Variants in APBA1 observed in about 807,000 individuals in gnomAD.
APBA1 encodes amyloid beta precursor protein binding family A member 1, also known as amyloid-beta A4 precursor protein-binding family A member 1.
APBA1 carries 55 observed loss-of-function variants against 86.6 expected under a neutral mutation model. The ratio of observed to expected loss-of-function variants is 0.64; its 90% confidence interval spans 0.51 to 0.80. The LOEUF (loss-of-function observed/expected upper bound fraction) is 0.80. APBA1 is among the 30% of genes least tolerant of loss of function. The probability of loss-of-function intolerance (pLI) is 0.00; values close to 1 mark genes in which losing one functional copy is unlikely to be tolerated. For synonymous variants in APBA1, 511 were observed against 493.9 expected, an observed-to-expected ratio of 1.03 and a Z score of -0.46; for missense variants, 1,090 against 1,183.0, an observed-to-expected ratio of 0.92 and a Z score of 1.15.
At chr9:69,617,962 A>G (rs1298668719) in intron 1 of APBA1, among the ~76,000 whole-genome samples, 1 of 151,968 alleles carries the variant, frequency 6.6e-6, no homozygotes, top group Non-Finnish European at 1.5e-5. Context: ...TTAAACACAC[A>G]CACACAGCCC....
intron 1 of APBA1, among the ~76,000 whole-genome samples, chr9:69,608,252 A>G (rs1822514780): frequency 6.6e-6 from 1 of 152,266 alleles, no homozygotes; most frequent in Non-Finnish European, 1.5e-5. Context: ...AAACTCAGTC[A>G]TAACATATAG....
intron 5 of APBA1, among the ~76,000 whole-genome samples, chr9:69,458,732 C>A (rs534228918): frequency 7.3e-5 from 11 of 150,904 alleles, no homozygotes; most frequent in Admixed American, 7.2e-4. Context: ...ACTGCAATTT[C>A]TTAGAACCTT....
chr9:69,563,745 A>T (rs758602164), intron 1 of APBA1, among the ~76,000 whole-genome samples: 2 of 152,038 alleles, frequency 1.3e-5, no homozygotes, highest in Non-Finnish European at 2.9e-5. Context: ...TTTGCACTTT[A>T]TGGTTCCTGA....
intron 9 of APBA1, among the ~76,000 whole-genome samples, chr9:69,451,004 C>T (rs1296524875): frequency 6.6e-6 from 1 of 152,180 alleles, no homozygotes; most frequent in Non-Finnish European, 1.5e-5. Context: ...GCCACAAGGT[C>T]TGTGAGACAA....
intron 1 of APBA1, among the ~76,000 whole-genome samples, chr9:69,575,997 A>C (rs1434040259): frequency 1.3e-5 from 2 of 152,254 alleles, no homozygotes; most frequent in Admixed American, 6.5e-5. Context: ...CAATGAACTC[A>C]AACAAATTTA....
chr9:69,641,716 C>T (rs1367554198), intron 1 of APBA1, among the ~76,000 whole-genome samples: 1 of 152,168 alleles, frequency 6.6e-6, no homozygotes, highest in East Asian at 1.9e-4. Flanking sequence ...TTCTCTCTCA[C>T]TATTCACAAA....
At chr9:69,546,077 G>C (rs1218846031) in intron 1 of APBA1, among the ~76,000 whole-genome samples, 1 of 152,148 alleles carries the variant, frequency 6.6e-6, no homozygotes, top group East Asian at 1.9e-4. Flanking sequence ...TAGGAATTCA[G>C]ACTGAGAATT....
chr9:69,657,906 A>C (rs1435017212), intron 1 of APBA1, among the ~76,000 whole-genome samples: 1 of 152,182 alleles, frequency 6.6e-6, no homozygotes. Flanking sequence ...CAGAGAATGG[A>C]AGAGAGAATA....
rs556025914 is a variant in APBA1, at chr9:69,436,335, T to TG, written c.2302-3660dup. 6.0e-3 allele frequency among the ~76,000 whole-genome samples: 908 copies of TG among 151,194 alleles called. 8 individuals are homozygous for TG. Among genetic ancestry groups the TG allele is most frequent in the African/African-American group, 0.021 (860 of 41,104 alleles). ...GTGAAGAAAGTCATTGGTAGCTTGA[T>TG]GGGGATGGCATTGAATCTATAAATT... On this transcript the variant is annotated intron_variant, in intron 11 of 12. Transcript: ENST00000265381.
At chr9:69,442,061 C>T (rs1213997498) in intron 10 of APBA1, among the ~76,000 whole-genome samples, 3 of 152,228 alleles carry the variant, frequency 2.0e-5, no homozygotes, top group Non-Finnish European at 2.9e-5. Context: ...TTTGCTCCTG[C>T]AGGCCTGACC....
At chr9:69,671,053 C>T (rs549102512) in intron 1 of APBA1, among the ~76,000 whole-genome samples, 4 of 152,094 alleles carry the variant, frequency 2.6e-5, no homozygotes, top group East Asian at 1.9e-4. Flanking sequence ...TCTCTCTATA[C>T]GTATACACCT....
At chr9:69,611,410 C>A (rs1822587229) in intron 1 of APBA1, among the ~76,000 whole-genome samples, 1 of 151,686 alleles carries the variant, frequency 6.6e-6, no homozygotes, top group South Asian at 2.1e-4. Context: ...AATATTCAAA[C>A]CCACTGGGAG....
In APBA1 at chr9:69,516,238, C is replaced by A. The variant is rs1836142542; in HGVS notation, c.973G>T (p.Ala325Ser). The change falls in exon 2 of 13, where the codon GCG (alanine) becomes TCG (serine). Residue 325 changes from alanine to serine, a missense_variant. By Grantham distance (99) the Ala-to-Ser change is moderately conservative. Transcript: ENST00000265381. This position sits in a 1 kb window ranked among gnomAD's most constrained non-coding sequence, Gnocchi z 7.3. ...TCGCCGCCGCCCGCGGGGCCCACCG[C>A]CCGCTGCTGCCCCGCCGGCGCCTGC... ...GLQAPAGQQR[A>S]VGPAGGGEAG... The A allele has an allele frequency of 2.2e-6, 3 of 1,391,688 alleles. No homozygotes were observed. Among genetic ancestry groups the A allele is most frequent in the South Asian group, 3.3e-5 (2 of 60,534 alleles). The allele number at this position is 1,391,688 out of a possible 1,614,324, so 86.2% of individuals were successfully genotyped here. A position where few individuals can be genotyped will look rare whatever the true frequency, so the allele number is the denominator to read the frequency against.
At chr9:69,635,104 T>C (rs537082979) in intron 1 of APBA1, among the ~76,000 whole-genome samples, 1 of 152,250 alleles carries the variant, frequency 6.6e-6, no homozygotes, top group East Asian at 1.9e-4. Flanking sequence ...TTGTGGTGTA[T>C]AAGTATATCT....
At chr9:69,587,514 T>G (rs1479893168) in intron 1 of APBA1, among the ~76,000 whole-genome samples, 1 of 152,180 alleles carries the variant, frequency 6.6e-6, no homozygotes, top group African/African-American at 2.4e-5. Flanking sequence ...CCACACTGTT[T>G]CATCTTCCTG....
chr9:69,559,405 C>T (rs1836914751), intron 1 of APBA1, among the ~76,000 whole-genome samples: 1 of 152,190 alleles, frequency 6.6e-6, no homozygotes, highest in Non-Finnish European at 1.5e-5. Context: ...TGTCATTACT[C>T]ACTCCACTAT....
At chr9:69,552,726 A>T (rs958491258) in intron 1 of APBA1, among the ~76,000 whole-genome samples, 1 of 152,234 alleles carries the variant, frequency 6.6e-6, no homozygotes, top group African/African-American at 2.4e-5. Flanking sequence ...TCATTCATGT[A>T]CAGGAAGCTA....
intron 11 of APBA1, among the ~76,000 whole-genome samples, chr9:69,439,780 A>G (rs4347046): frequency 0.077 from 11,669 of 152,010 alleles, 553 homozygotes; most frequent in Non-Finnish European, 0.11. Context: ...TCTTCTCTCA[A>G]CTCGTCAAAG....
intron 10 of APBA1, among the ~76,000 whole-genome samples, chr9:69,442,580 G>A (rs1398477878): frequency 6.6e-6 from 1 of 152,166 alleles, no homozygotes; most frequent in Non-Finnish European, 1.5e-5. Flanking sequence ...CCACAGTATC[G>A]CTCAGAGACA....
Sources: allele counts gnomAD v4.1 joint callset (sites outside exome capture counted in the v4.1 genomes callset), GRCh38; gene constraint gnomAD v4.1.1; non-coding constraint Gnocchi (gnomAD v3.1); transcripts MANE v1.5; gene names NCBI Gene and HGNC (gene_info 2026-07-23, HGNC 2026-07-21).